The following DNAH6 variants were observed in gnomAD, a reference collection of about 807,000 sequenced individuals.
The protein encoded by DNAH6 is axonemal beta dynein heavy chain 6.
A neutral mutation model predicts 491.4 loss-of-function variants in DNAH6; 340 were observed. That is an observed-to-expected ratio of 0.69 (90% CI 0.63 to 0.76). The LOEUF (loss-of-function observed/expected upper bound fraction) is 0.76. DNAH6 is among the 30% of genes least tolerant of loss of function. DNAH6 has a pLI of 0.00. For synonymous variants in DNAH6, 1,603 were observed against 1,686.1 expected (o/e 0.95, Z 1.21); for missense variants, 4,443 against 4,972.2 (o/e 0.89, Z 3.20).
At chr2:84,692,097 T>C (rs1694918679) in intron 45 of DNAH6, among the ~76,000 whole-genome samples, 1 of 152,254 alleles carries the variant, frequency 6.6e-6, no homozygotes, top group African/African-American at 2.4e-5. Flanking sequence ...CTCCCTGTTG[T>C]ATTCTTACAC....
At chr2:84,723,054 C>A (rs1268727500) in intron 60 of DNAH6, among the ~76,000 whole-genome samples, 2 of 151,976 alleles carry the variant, frequency 1.3e-5, no homozygotes, top group African/African-American at 4.8e-5. Flanking sequence ...ATGGAGAAAC[C>A]CCATCTCTAC....
At chr2:84,513,936 AG>A (rs1419578585), upstream of DNAH6, among the ~76,000 whole-genome samples, 1 of 152,158 alleles carries the variant, frequency 6.6e-6, no homozygotes, top group African/African-American at 2.4e-5. Flanking sequence ...TGTCACTGCC[AG>A]TTTTTTCCTA....
At chr2:84,566,804 G>A (rs1051661140) in intron 11 of DNAH6, among the ~76,000 whole-genome samples, 5 of 152,032 alleles carry the variant, frequency 3.3e-5, no homozygotes, top group African/African-American at 9.7e-5. Flanking sequence ...ATAGCTGTCA[G>A]ACCAGTAGAG....
chr2:84,790,930 G>A (rs928618223), intron 68 of DNAH6, among the ~76,000 whole-genome samples: 3 of 152,092 alleles, frequency 2.0e-5, no homozygotes, highest in South Asian at 2.1e-4. Flanking sequence ...AGTGGCTCAC[G>A]CCTGTAATCC....
At chr2:84,604,631 G>A in intron 19 of DNAH6, 80 bp downstream of exon 19, 1 of 1,146,682 alleles carries the variant, frequency 8.7e-7, no homozygotes, top group South Asian at 1.5e-5. Context: ...TGATCTGGAT[G>A]TTTTTTTCAA....
intron 62 of DNAH6, 61 bp downstream of exon 62, chr2:84,733,640 T>TA: frequency 2.1e-6 from 3 of 1,422,796 alleles, no homozygotes; most frequent in Non-Finnish European, 2.8e-6. Context: ...ATCCTAATCT[T>TA]AATGTTTTCT....
Position 84,725,818 on chromosome 2 carries a change from GT to G in DNAH6, c.9973-1847del, listed in dbSNP as rs1292492403. ...CTTTAGAGAATTTTGAGATTTACCA[GT>G]TTTATTTTGGTACCATATTATCACA... On this transcript the variant is annotated intron_variant, in intron 60 of 76. Coordinates refer to ENST00000389394, the MANE Select transcript of DNAH6 (RefSeq NM_001370.2). Among the ~76,000 whole-genome samples the G allele has an allele frequency of 2.6e-5, 4 of 152,120 alleles. 1 individual carries two copies. In the East Asian group the frequency reaches 7.7e-4, roughly 29 times the overall value.
intron 59 of DNAH6, among the ~76,000 whole-genome samples, chr2:84,721,201 A>T (rs1022407436): frequency 1.3e-5 from 2 of 152,178 alleles, no homozygotes; most frequent in Non-Finnish European, 2.9e-5. Flanking sequence ...GCTCCCTAAG[A>T]CATAAAGAAT....
chr2:84,505,733 G>C, the DNAH6 span, among the ~76,000 whole-genome samples: 1 of 151,836 alleles, frequency 6.6e-6, no homozygotes, highest in Non-Finnish European at 1.5e-5. Flanking sequence ...AACAGGCCCC[G>C]GTGTGTTATG....
chr2:84,564,538 T>C (rs1180451143), intron 11 of DNAH6, among the ~76,000 whole-genome samples: 1 of 152,208 alleles, frequency 6.6e-6, no homozygotes, highest in Admixed American at 6.5e-5. Context: ...ACATTTATTT[T>C]GTATTCCAAA....
chr2:84,479,758 T>C, the DNAH6 span, among the ~76,000 whole-genome samples: 1 of 152,214 alleles, frequency 6.6e-6, no homozygotes, highest in Middle Eastern at 3.2e-3. Context: ...GGGAAGCTGG[T>C]TGTGGCCTGA....
rs1696116500 is a variant in DNAH6, at chr2:84,703,390, C to T, written c.8062-5C>T. 1 of 1,495,792 alleles carries T rather than the reference C, an allele frequency of 6.7e-7. No individual in the cohort carries two copies. Among genetic ancestry groups the T allele is most frequent in the East Asian group, 2.5e-5 (1 of 40,504 alleles). The allele number at this position is 1,495,792 out of a possible 1,614,324, so 92.7% of individuals were successfully genotyped here. A position where few individuals can be genotyped will look rare whatever the true frequency, so the allele number is the denominator to read the frequency against. On this transcript the variant is annotated splice_region_variant and splice_polypyrimidine_tract_variant and intron_variant, in intron 49 of 76. Coordinates refer to ENST00000389394, the MANE Select transcript of DNAH6 (RefSeq NM_001370.2). ...ATTATAATATAAATTTTCATTGTCA[C>T]TTAGGCACGAGATCGGGTGAAGAAT...
chr2:84,767,820 A>G (rs1675230095), intron 64 of DNAH6, among the ~76,000 whole-genome samples: 1 of 152,132 alleles, frequency 6.6e-6, no homozygotes, highest in Admixed American at 6.5e-5. Flanking sequence ...CTAAACCCCA[A>G]GCATAATAAA....
the DNAH6 span, among the ~76,000 whole-genome samples, chr2:84,499,809 G>A: frequency 6.6e-6 from 1 of 151,900 alleles, no homozygotes; most frequent in African/African-American, 2.4e-5. Context: ...CTTTTCATAT[G>A]CCTGTTTGAC....
At chr2:84,550,258 G>A (rs1679203164) in intron 9 of DNAH6, among the ~76,000 whole-genome samples, 1 of 152,178 alleles carries the variant, frequency 6.6e-6, no homozygotes, top group East Asian at 1.9e-4. Flanking sequence ...ATGATTTCGG[G>A]ATGAAACTGT....
At position 84,621,411 on chromosome 2, in the gene DNAH6, A is replaced by G. The variant is rs1444345509; in HGVS notation, c.3958-27A>G. On this transcript the variant is annotated intron_variant, in intron 25 of 76. Transcript: ENST00000389394. ...ATTCTTATTTGGTGATATGCATCAC[A>G]TATTTAAGAAACATGTTTTCTTGCA... 1.9e-6 allele frequency: 3 copies of G among 1,541,224 alleles called. No homozygotes were observed. The African/African-American group carries it at 4.1e-5, about 21-fold the overall frequency.
In DNAH6 at chr2:84,727,825, G is replaced by A; in HGVS notation, c.10129G>A (p.Glu3377Lys). Reference sequence around the variant, plus strand: ...CATCTACAGCTTTATGCTTTGTGTTGAGATGATGCGTCAGCAAGGAACCCT... The same window carrying A: ...CATCTACAGCTTTATGCTTTGTGTTAAGATGATGCGTCAGCAAGGAACCCT... ...KLIYSFMLCV[E>K]MMRQQGTLSD... The change falls in exon 61 of 77, where the codon GAG becomes AAG. Residue 3377 changes from glutamate to lysine, a missense_variant. Physicochemically the swap from Glu to Lys is moderately conservative, Grantham distance 56. Coordinates refer to ENST00000389394, the MANE Select transcript of DNAH6 (RefSeq NM_001370.2). 1.3e-6 allele frequency: 2 copies of A among 1,552,082 alleles called. No homozygotes were observed. Among genetic ancestry groups the A allele is most frequent in the Non-Finnish European group, 1.7e-6 (2 of 1,147,026 alleles).
intron 37 of DNAH6, among the ~76,000 whole-genome samples, chr2:84,665,824 C>G (rs901880993): frequency 3.9e-5 from 6 of 152,254 alleles, no homozygotes; most frequent in African/African-American, 1.4e-4. Context: ...ACCAATATCC[C>G]TGATGAACAC....
At chr2:84,777,497 G>A (rs1214256445) in intron 64 of DNAH6, 45 of 709,102 alleles carry the variant, frequency 6.3e-5, no homozygotes, top group Non-Finnish European at 8.6e-5. Flanking sequence ...TGCCACAGAG[G>A]GTCCAATGTC....
Sources: gnomAD v4.1 joint callset for allele counts (sites outside exome capture counted in the v4.1 genomes callset) on GRCh38, gnomAD v4.1.1 for gene constraint, MANE v1.5 for transcripts, NCBI Gene and HGNC (gene_info 2026-07-23, HGNC 2026-07-21) for gene names.